Variants in FKBP3 observed in about 807,000 individuals in gnomAD.
FKBP3 encodes the protein peptidyl-prolyl cis-trans isomerase FKBP3.
FKBP3 carries 21 observed loss-of-function variants against 30.6 expected under a neutral mutation model. That is an observed-to-expected ratio of 0.69 (90% confidence interval 0.49 to 0.99). The LOEUF is 0.99. Ranked by LOEUF, FKBP3 falls within the 50% of genes least tolerant of loss-of-function variation. The pLI is 0.00. For missense variants in FKBP3, 283 were observed against 261.6 expected, an observed-to-expected ratio of 1.08 and a Z score of -0.56; for synonymous variants, 82 against 91.3, an observed-to-expected ratio of 0.90 and a Z score of 0.58.
chr14:45,126,171 G>T (rs1885092436), intron 3 of FKBP3, among the ~76,000 whole-genome samples: 1 of 150,884 alleles, frequency 6.6e-6, no homozygotes, highest in African/African-American at 2.4e-5. Flanking sequence ...GATAATAGGC[G>T]TGAGCCACTG....
chr14:45,134,051 C>A (rs1411678601), intron 1 of FKBP3, among the ~76,000 whole-genome samples: 1 of 152,224 alleles, frequency 6.6e-6, no homozygotes, highest in Non-Finnish European at 1.5e-5. Flanking sequence ...CCCCCAATAT[C>A]CTCGGGTTCC....
chr14:45,125,695 T>A (rs1399871021), intron 3 of FKBP3, among the ~76,000 whole-genome samples: 4 of 152,122 alleles, frequency 2.6e-5, no homozygotes, highest in Non-Finnish European at 4.4e-5. Flanking sequence ...TGCTTAGGAA[T>A]GTATGCAGTT....
chr14:45,117,186 G>A (rs766850807), intron 6 of FKBP3, among the ~76,000 whole-genome samples: 44 of 152,180 alleles, frequency 2.9e-4, no homozygotes, highest in Non-Finnish European at 6.0e-4. Context: ...TGGCCAGGCT[G>A]GTTTTGAACT....
chr14:45,117,985 T>G (rs921748462), intron 6 of FKBP3, 43 bp downstream of exon 6: 12 of 1,363,380 alleles, frequency 8.8e-6, no homozygotes, highest in South Asian at 5.1e-5. Flanking sequence ...ATCTAGACGT[T>G]TTTTTTTTTT....
At chr14:45,123,643 C>A (rs187690177) in intron 3 of FKBP3, among the ~76,000 whole-genome samples, 66 of 98,040 alleles carry the variant, frequency 6.7e-4, no homozygotes, top group African/African-American at 2.5e-3. Context: ...CAGATGGAGT[C>A]TTGCTGTGTC....
intron 3 of FKBP3, among the ~76,000 whole-genome samples, chr14:45,123,062 G>T (rs948697099): frequency 2.6e-5 from 4 of 151,548 alleles, no homozygotes; most frequent in Admixed American, 2.6e-4. Flanking sequence ...ATGTGGTGGC[G>T]TGTGCCTGTA....
chr14:45,128,075 G>A (rs1033621479), intron 3 of FKBP3, among the ~76,000 whole-genome samples: 17 of 152,200 alleles, frequency 1.1e-4, no homozygotes, highest in African/African-American at 3.6e-4. Context: ...AGTGGCTCAC[G>A]CCTGTAATCC....
chr14:45,124,513 CAA>C (rs1662286056), intron 3 of FKBP3, among the ~76,000 whole-genome samples: 1 of 151,402 alleles, frequency 6.6e-6, no homozygotes, highest in African/African-American at 2.4e-5. Flanking sequence ...GCCTGGGTGA[CAA>C]GAGTAAAACT....
intron 1 of FKBP3, among the ~76,000 whole-genome samples, chr14:45,133,122 T>C (rs1403688191): frequency 6.6e-6 from 1 of 152,110 alleles, no homozygotes; most frequent in African/African-American, 2.4e-5. Flanking sequence ...AGTTGGAGAG[T>C]TCTTCTATCT....
chr14:45,134,403 C>T lies in FKBP3; in HGVS notation c.54G>A (p.Glu18=). 1.2e-6 allele frequency: 2 copies of T among 1,613,704 alleles called. No individual in the cohort carries two copies. The highest frequency in any genetic ancestry group is 1.7e-6 in the Non-Finnish European group (2 of 1,179,796). ...TGATAATGTCCTTCTTGGGCAGCTG[C>T]TCACTGCGCAGCTGCTCCACGGTCC... ...RAWTVEQLRS[E]QLPKKDIIKF... The change falls in exon 1 of 7, where the codon GAG becomes GAA. Residue 18 remains glutamate (E), a synonymous_variant. Coordinates refer to ENST00000396062, the MANE Select transcript of FKBP3 (RefSeq NM_002013.4).
chr14:45,133,762 C>T (rs966239891), intron 1 of FKBP3, among the ~76,000 whole-genome samples: 7 of 152,148 alleles, frequency 4.6e-5, no homozygotes, highest in Admixed American at 1.3e-4. Context: ...CAATGACAGA[C>T]CACTGCACAA....
intron 5 of FKBP3, among the ~76,000 whole-genome samples, chr14:45,119,009 G>A (rs932195164): frequency 6.6e-6 from 1 of 151,984 alleles, no homozygotes; most frequent in Non-Finnish European, 1.5e-5. Context: ...GGCATGCCCA[G>A]CTAATTTTGG....
In FKBP3 at chr14:45,118,028, T is replaced by G; in HGVS notation, c.620A>C (p.Lys207Thr). 1.3e-6 allele frequency: 2 copies of G among 1,566,236 alleles called. No homozygotes were observed. Among genetic ancestry groups the G allele is most frequent in the African/African-American group, 1.4e-5 (1 of 72,462 alleles). The change falls in exon 6 of 7, where the codon AAA becomes ACA. Residue 207 changes from lysine to threonine, a missense_variant and splice_region_variant. Physicochemically the swap from Lys to Thr is moderately conservative, Grantham distance 78. Coordinates refer to ENST00000396062, the MANE Select transcript of FKBP3 (RefSeq NM_002013.4). The part of the protein sequence containing the change: ...AYGKKGQPDA[K>T]IPPNAKLTFE... ...AATTATGAAGGGGAAAAAAGGATACTTGGCATCAGGCTGTCCTTTCTTTCC... is the reference window on the plus strand; with the variant it reads ...AATTATGAAGGGGAAAAAAGGATACGTGGCATCAGGCTGTCCTTTCTTTCC...
At chr14:45,126,838 CTGAGTCTCCT>C (rs1885109409) in intron 3 of FKBP3, among the ~76,000 whole-genome samples, 1 of 151,938 alleles carries the variant, frequency 6.6e-6, no homozygotes, top group Non-Finnish European at 1.5e-5. Flanking sequence ...TTTTTTGAGA[CTGAGTCTCCT>C]TCTATTGCCC....
intron 3 of FKBP3, among the ~76,000 whole-genome samples, 170 bp from the exon 4 acceptor site, chr14:45,121,790 A>G (rs943733979): frequency 2.0e-5 from 3 of 152,232 alleles, no homozygotes; most frequent in Non-Finnish European, 4.4e-5. Context: ...TGATGTGACT[A>G]TTAGTAACTT....
rs866682962 is a variant in FKBP3, at chr14:45,120,974, T to C, written c.455-20A>G. 6.3e-7 allele frequency: 1 copy of C among 1,586,280 alleles called. No individual in the cohort carries two copies. Among genetic ancestry groups the C allele is most frequent in the South Asian group, 1.1e-5 (1 of 90,336 alleles). On this transcript the variant is annotated intron_variant, in intron 4 of 6. Transcript: ENST00000396062. ...TTGCACCTGTAAAACAGATTTTCCT[T>C]ATCATTAATGATATACTCTAATTTA...
intron 1 of FKBP3, among the ~76,000 whole-genome samples, chr14:45,131,954 GTAGTA>G (rs1224205640): frequency 6.6e-6 from 1 of 152,198 alleles, no homozygotes; most frequent in African/African-American, 2.4e-5. Flanking sequence ...ATAGCAAGTC[GTAGTA>G]TAACTTTATC....
rs534477722 is a variant in FKBP3 at position 45,134,447 on chromosome 14, C to G, written c.10G>C (p.Ala4Pro). MAAAVPQRAWTVEQ... is the reference protein window; with the variant it reads MAAPVPQRAWTVEQ... ...ACGGTCCACGCCCGCTGTGGAACGG[C>G]CGCCGCCATCTTCCCCCGCTGCCTC... The change falls in exon 1 of 7, where the codon GCC becomes CCC. Residue 4 changes from alanine (A) to proline (P), a missense_variant. Coordinates refer to ENST00000396062, the MANE Select transcript of FKBP3 (RefSeq NM_002013.4). 4 of 1,609,990 alleles carry G rather than the reference C, an allele frequency of 2.5e-6. No homozygotes were observed. The Admixed American group carries it at 6.7e-5, about 27-fold the overall frequency.
chr14:45,125,362 A>G (rs904979954), intron 3 of FKBP3, among the ~76,000 whole-genome samples: 8 of 152,276 alleles, frequency 5.3e-5, no homozygotes, highest in Non-Finnish European at 8.8e-5. Context: ...ATGACAAAAC[A>G]TGAATGGCTT....
Sources: allele counts gnomAD v4.1 joint callset (sites outside exome capture counted in the v4.1 genomes callset), GRCh38; gene constraint gnomAD v4.1.1; transcripts MANE v1.5; gene names NCBI Gene and HGNC (gene_info 2026-07-23, HGNC 2026-07-21).